MACROD2: variants seen among roughly 807,000 people sequenced by gnomAD.
MACROD2 encodes the protein mono-ADP ribosylhydrolase 2.
A neutral mutation model predicts 70.4 loss-of-function variants in MACROD2; 36 were observed. The ratio of observed to expected loss-of-function variants is 0.51; its 90% confidence interval spans 0.39 to 0.68. The LOEUF is 0.68. MACROD2 is among the 30% of genes least tolerant of loss of function. The pLI, the probability that MACROD2 is intolerant of heterozygous loss-of-function variation, is 0.00. For synonymous variants in MACROD2, 172 were observed against 178.8 expected (o/e 0.96, Z 0.30); for missense variants, 496 against 538.4 (o/e 0.92, Z 0.78).
At chr20:15,415,187 T>C (rs770572029) in intron 6 of MACROD2, among the ~76,000 whole-genome samples, 20 of 152,168 alleles carry the variant, frequency 1.3e-4, no homozygotes, top group Non-Finnish European at 7.4e-5. Flanking sequence ...AAAGGAATAA[T>C]TTACAGATTT....
chr20:15,834,001 C>G (rs1262251590), intron 8 of MACROD2, among the ~76,000 whole-genome samples: 4 of 152,150 alleles, frequency 2.6e-5, no homozygotes, highest in African/African-American at 9.7e-5. Flanking sequence ...AAAGTCTGAT[C>G]TTCAGGCCCC....
chr20:15,297,075 G>T (rs955726341), intron 6 of MACROD2, among the ~76,000 whole-genome samples: 2 of 152,216 alleles, frequency 1.3e-5, no homozygotes, highest in Non-Finnish European at 2.9e-5. Context: ...GGCTTACACA[G>T]GAGAAAGGAT....
intron 5 of MACROD2, among the ~76,000 whole-genome samples, chr20:14,706,678 C>G (rs6042873): frequency 0.68 from 102,838 of 151,928 alleles, 35,650 homozygotes; most frequent in African/African-American, 0.82. Context: ...GGGCAGACAG[C>G]CCTCTCCTTT....
intron 3 of MACROD2, among the ~76,000 whole-genome samples, chr20:14,332,755 C>T (rs1305219861): frequency 6.6e-6 from 1 of 151,962 alleles, no homozygotes; most frequent in Non-Finnish European, 1.5e-5. Flanking sequence ...CTAAAGAAAA[C>T]ACATGCCTAA....
At chr20:14,845,124 A>G (rs1283283106) in intron 5 of MACROD2, among the ~76,000 whole-genome samples, 1 of 152,048 alleles carries the variant, frequency 6.6e-6, no homozygotes, top group Non-Finnish European at 1.5e-5. Flanking sequence ...ATGCCTTATG[A>G]CATTTATTTC....
intron 8 of MACROD2, among the ~76,000 whole-genome samples, chr20:15,845,133 A>C (rs757958809): frequency 8.6e-5 from 13 of 151,762 alleles, no homozygotes; most frequent in Non-Finnish European, 1.6e-4. Context: ...GAAATCTCAG[A>C]ATGTGACCCT....
In MACROD2 at chr20:14,814,782, G is replaced by T. The variant is rs576109341; in HGVS notation, c.418+129823G>T. On this transcript the variant is annotated intron_variant, in intron 5 of 17. Coordinates refer to ENST00000684519, the MANE Select transcript of MACROD2 (RefSeq NM_001351661.2). ...TGGTTAAAGGTGACAGATAATCAAA[G>T]AAATAATTGCAGAGCGTGGCACTGA... Among the ~76,000 whole-genome samples the T allele has an allele frequency of 3.3e-5, 5 of 151,974 alleles. No homozygotes were observed. In the South Asian group the frequency reaches 1.0e-3, roughly 32 times the overall value.
chr20:14,197,259 A>G (rs909005066), intron 3 of MACROD2, among the ~76,000 whole-genome samples: 3 of 152,250 alleles, frequency 2.0e-5, no homozygotes, highest in East Asian at 3.8e-4. Flanking sequence ...CAGGAGCATC[A>G]AGAAGGAAAA....
chr20:15,226,818 T>C (rs175276), intron 5 of MACROD2, among the ~76,000 whole-genome samples: 43,267 of 151,690 alleles, frequency 0.29, 6,321 homozygotes, highest in Middle Eastern at 0.32. Context: ...ATTTATTTTA[T>C]AGGTAAGGAA....
At chr20:15,117,277 G>A (rs2075998036) in intron 5 of MACROD2, among the ~76,000 whole-genome samples, 2 of 152,070 alleles carry the variant, frequency 1.3e-5, no homozygotes, top group African/African-American at 4.8e-5. Flanking sequence ...TTGTTCTAGG[G>A]CCAATTTTAG....
At chr20:14,290,720 C>T (rs1287687490) in intron 3 of MACROD2, among the ~76,000 whole-genome samples, 1 of 152,112 alleles carries the variant, frequency 6.6e-6, no homozygotes, top group Admixed American at 6.5e-5. Context: ...TGTTGGTCAG[C>T]CTGGTCTCGA....
chr20:14,337,765 G>A (rs781650225), intron 3 of MACROD2: 1 of 389,416 alleles, frequency 2.6e-6, no homozygotes, highest in Non-Finnish European at 4.5e-6. Context: ...TAGAGGGGGC[G>A]AGAGCAGCCA....
intron 5 of MACROD2, among the ~76,000 whole-genome samples, chr20:15,034,035 T>A (rs947651626): frequency 2.0e-5 from 3 of 152,164 alleles, no homozygotes; most frequent in African/African-American, 7.2e-5. Flanking sequence ...GCAAACGAAA[T>A]CTGGCACAAA....
rs370400451 is a variant in MACROD2 at position 15,112,718 on chromosome 20, G to A, written c.419-117222G>A. Among the ~76,000 whole-genome samples, 40 of 152,190 alleles carry A rather than the reference G, an allele frequency of 2.6e-4. 1 individual carries two copies. The East Asian group carries it at 5.6e-3, about 21-fold the overall frequency. On this transcript the variant is annotated intron_variant, in intron 5 of 17. Transcript: ENST00000684519. ...ATCAAGTACATTCACACGGTAGTGC[G>A]GCCACCACCATCTGTCTCTAGAACT... is the stretch of plus-strand genomic sequence containing the variant.
chr20:14,295,143 T>TGTGTGTGCAC (rs1360561314), intron 3 of MACROD2, among the ~76,000 whole-genome samples: 2 of 151,918 alleles, frequency 1.3e-5, no homozygotes, highest in Non-Finnish European at 2.9e-5. Flanking sequence ...GAATTGGGTT[T>TGTGTGTGCAC]GTGTGTGCAC....
intron 9 of MACROD2, among the ~76,000 whole-genome samples, chr20:15,885,470 A>G (rs549477180): frequency 2.6e-5 from 4 of 152,184 alleles, no homozygotes; most frequent in Admixed American, 6.6e-5. Flanking sequence ...GAAATGACTG[A>G]AGTGACCATA....
Position 16,016,296 on chromosome 20 carries a change from G to A in MACROD2, c.1154-24905G>A, listed in dbSNP as rs376025864. Among the ~76,000 whole-genome samples the A allele has an allele frequency of 7.2e-5, 11 of 152,248 alleles. No homozygotes were observed. The East Asian group carries it at 1.9e-3, about 27-fold the overall frequency. On this transcript the variant is annotated intron_variant, in intron 15 of 17. Coordinates refer to ENST00000684519, the MANE Select transcript of MACROD2 (RefSeq NM_001351661.2). ...ACAATAACTCCCAAATCTTGTCAGT[G>A]TTGGACTGTGGGCTTTGCTAAATTT...
chr20:14,191,804 C>G (rs1250674541), intron 3 of MACROD2, among the ~76,000 whole-genome samples: 1 of 152,168 alleles, frequency 6.6e-6, no homozygotes, highest in Non-Finnish European at 1.5e-5. Flanking sequence ...TCAGTTGGCT[C>G]ATGCAGAGAG....
chr20:14,065,551 ATAAT>A (rs1217341260), intron 2 of MACROD2, among the ~76,000 whole-genome samples: 3 of 152,216 alleles, frequency 2.0e-5, no homozygotes, highest in Non-Finnish European at 2.9e-5. Flanking sequence ...CAGATTAGTA[ATAAT>A]TCTCCTCCTG....
Sources: allele counts gnomAD v4.1 joint callset (sites outside exome capture counted in the v4.1 genomes callset), GRCh38; gene constraint gnomAD v4.1.1; transcripts MANE v1.5; gene names NCBI Gene and HGNC (gene_info 2026-07-23, HGNC 2026-07-21).